Variants in CACNG1 observed in about 807,000 individuals in gnomAD.
The protein encoded by CACNG1 is calcium voltage-gated channel auxiliary subunit gamma 1.
CACNG1 carries 21 observed loss-of-function variants against 22.0 expected under a neutral mutation model. The observed-to-expected ratio is 0.95, with a 90% confidence interval of 0.68 to 1.37. The LOEUF (loss-of-function observed/expected upper bound fraction) is 1.37, where lower values mean the gene tolerates loss of function less well. Among genes scored for constraint, CACNG1 ranks in the 40% most tolerant of loss-of-function variants. The pLI is 0.00. For synonymous variants in CACNG1, 127 were observed against 129.2 expected (o/e 0.98, Z 0.12); for missense variants, 291 against 308.6 (o/e 0.94, Z 0.43).
At position 67,054,540 on chromosome 17, in the gene CACNG1, G is replaced by A. The variant is rs1007927344; in HGVS notation, c.304+470G>A. On this transcript the variant is annotated intron_variant, in intron 2 of 3. Coordinates refer to ENST00000226021, the MANE Select transcript of CACNG1 (RefSeq NM_000727.4). The surrounding 1 kb of genome is among the most constrained non-coding windows in gnomAD (Gnocchi z 4.6). ...AGAGCTCAGACGCACACCCATTGTC[G>A]GGAGTACAGACCCGTGCCTGCCTGC... is the stretch of plus-strand genomic sequence containing the variant. 2.0e-5 allele frequency among the ~76,000 whole-genome samples: 3 copies of A among 152,104 alleles called. No individual in the cohort carries two copies. The highest frequency in any genetic ancestry group is 6.5e-5 in the Admixed American group (1 of 15,270).
chr17:67,055,330 G>A lies in CACNG1; in HGVS notation c.442+90G>A. 7.0e-7 allele frequency: 1 copy of A among 1,437,774 alleles called. No individual in the cohort carries two copies. The allele number at this position is 1,437,774 out of a possible 1,614,324, so 89.1% of individuals were successfully genotyped here. On this transcript the variant is annotated intron_variant, in intron 3 of 3. Transcript: ENST00000226021. This position sits in a 1 kb window ranked among gnomAD's most constrained non-coding sequence, Gnocchi z 4.5. ...CACCCTCATGCCCACCGCGAGATTT[G>A]GGTGAGGGGCATTTCCCAGGCTCCA...
At position 67,056,490 on chromosome 17, in the gene CACNG1, TG is replaced by T; in HGVS notation, c.*224del. The T allele has an allele frequency of 1.7e-6, 1 of 577,578 alleles. No homozygotes were observed. The highest frequency in any genetic ancestry group is 2.1e-5 in the South Asian group (1 of 48,772). 35.8% of individuals were successfully genotyped at this position (577,578 alleles called of 1,614,324 possible). ...ACGTGAGTCCTAACCTGGCCACAGT[TG>T]GGGGAGGCAGAGCCAGCAGGTGGAC... On this transcript the variant is annotated 3_prime_UTR_variant, in exon 4 of 4. Coordinates refer to ENST00000226021, the MANE Select transcript of CACNG1 (RefSeq NM_000727.4). The surrounding 1 kb of genome is among the most constrained non-coding windows in gnomAD (Gnocchi z 4.3).
In CACNG1 at chr17:67,044,839, G is replaced by A. The variant is rs551549167; in HGVS notation, c.179G>A (p.Arg60His). 9.9e-6 allele frequency: 16 copies of A among 1,613,258 alleles called. No homozygotes were observed. Among genetic ancestry groups the A allele is most frequent in the Middle Eastern group, 1.6e-4 (1 of 6,062 alleles). ...HFGLWRICTK[R>H]IPMDDSKTCG... ...GGCCTCTGGCGGATTTGTACCAAGC[G>A]CATCCCCATGGACGACAGCAAGACC... Residue 60 changes from arginine to histidine, a missense_variant, in exon 1 of 4, where the codon CGC becomes CAC. By Grantham distance (29) the Arg-to-His change is conservative (BLOSUM62 0). Coordinates refer to ENST00000226021, the MANE Select transcript of CACNG1 (RefSeq NM_000727.4). This position sits in a 1 kb window ranked among gnomAD's most constrained non-coding sequence, Gnocchi z 6.9.
intron 1 of CACNG1, among the ~76,000 whole-genome samples, chr17:67,045,486 T>C (rs1324950714): frequency 1.3e-5 from 2 of 151,204 alleles, no homozygotes; most frequent in Non-Finnish European, 2.9e-5. Flanking sequence ...AAGCAGGACA[T>C]GGCTGTAGGC....
In CACNG1 at chr17:67,056,544, T is replaced by C. The variant is rs2035763580; in HGVS notation, c.*273T>C. The C allele has an allele frequency of 1.9e-6, 1 of 518,652 alleles. No individual in the cohort carries two copies. The highest frequency in any genetic ancestry group is 2.2e-5 in the South Asian group (1 of 45,896). 32.1% of individuals were successfully genotyped at this position (518,652 alleles called of 1,614,324 possible). On this transcript the variant is annotated 3_prime_UTR_variant, in exon 4 of 4. Transcript: ENST00000226021. This position sits in a 1 kb window ranked among gnomAD's most constrained non-coding sequence, Gnocchi z 4.3. ...GTGTTTGCAGGGGCCCAACTTCCCC[T>C]GGAGCTCAGAGGTGTCCCCACTGTA... is the stretch of plus-strand genomic sequence containing the variant.
rs191385424 is a variant in CACNG1, at chr17:67,053,622, G to A, written c.230-374G>A. Among the ~76,000 whole-genome samples, 34 of 152,306 alleles carry A rather than the reference G, an allele frequency of 2.2e-4. No individual in the cohort carries two copies. The East Asian group carries it at 3.9e-3, about 17-fold the overall frequency. ...AAGTGTCCCCTGGGGGGGCAGAATC[G>A]GCCCCAACAGAGACTGCTGTTTGGT... On this transcript the variant is annotated intron_variant, in intron 1 of 3. Coordinates refer to ENST00000226021, the MANE Select transcript of CACNG1 (RefSeq NM_000727.4).
chr17:67,050,550 A>G (rs2035722405), intron 1 of CACNG1, among the ~76,000 whole-genome samples: 1 of 152,220 alleles, frequency 6.6e-6, no homozygotes, highest in East Asian at 1.9e-4. Flanking sequence ...TCCACAAAGT[A>G]TCTTTGAATA....
In CACNG1 at chr17:67,055,985, G is replaced by C; in HGVS notation, c.443-60G>C. On this transcript the variant is annotated intron_variant, in intron 3 of 3. Coordinates refer to ENST00000226021, the MANE Select transcript of CACNG1 (RefSeq NM_000727.4). The surrounding 1 kb of genome is among the most constrained non-coding windows in gnomAD (Gnocchi z 4.5). The stretch of plus-strand genomic sequence containing the variant: ...CTCCTCCATGCACACAGGCTGGGAT[G>C]GGGCTGGTGGCTACGGCAGACGCCC... 7.2e-7 allele frequency: 1 copy of C among 1,394,898 alleles called. No homozygotes were observed. Among genetic ancestry groups the C allele is most frequent in the Middle Eastern group, 1.8e-4 (1 of 5,570 alleles). The allele number at this position is 1,394,898 out of a possible 1,614,324, so 86.4% of individuals were successfully genotyped here.
rs939477590 is a variant in CACNG1 at position 67,047,827 on chromosome 17, T to C, written c.229+2938T>C. ...AGGAGGCCACATGCATGCACAATGC[T>C]ATATGCATGCTCAGGAAAGACCTGA... On this transcript the variant is annotated intron_variant, in intron 1 of 3. Transcript: ENST00000226021. 2.0e-5 allele frequency among the ~76,000 whole-genome samples: 3 copies of C among 152,192 alleles called. No homozygotes were observed. The East Asian group carries it at 5.8e-4, about 29-fold the overall frequency.
Position 67,051,031 on chromosome 17 carries a change from G to A in CACNG1, c.230-2965G>A, listed in dbSNP as rs1233169786. Among the ~76,000 whole-genome samples, 5 of 152,150 alleles carry A rather than the reference G, an allele frequency of 3.3e-5. No homozygotes were observed. In the East Asian group the frequency reaches 9.6e-4, roughly 29 times the overall value. On this transcript the variant is annotated intron_variant, in intron 1 of 3. Coordinates refer to ENST00000226021, the MANE Select transcript of CACNG1 (RefSeq NM_000727.4). ...CAAAGCTGCAATCCCTGAGCTTTGTGTAAGTGTGATGGAAGCCAGGGCAGC... is the reference window on the plus strand; with the variant it reads ...CAAAGCTGCAATCCCTGAGCTTTGTATAAGTGTGATGGAAGCCAGGGCAGC...
chr17:67,046,978 C>T (rs1384921944), intron 1 of CACNG1, among the ~76,000 whole-genome samples: 1 of 150,948 alleles, frequency 6.6e-6, no homozygotes, highest in African/African-American at 2.4e-5. Flanking sequence ...AGTAATCTTC[C>T]AAAATATGTT....
chr17:67,048,219 C>T (rs1157303145), intron 1 of CACNG1, among the ~76,000 whole-genome samples: 1 of 150,986 alleles, frequency 6.6e-6, no homozygotes, highest in Non-Finnish European at 1.5e-5. Flanking sequence ...CTCCTGTATT[C>T]CCAGCACTTT....
At chr17:67,050,054 G>T (rs573200187) in intron 1 of CACNG1, among the ~76,000 whole-genome samples, 1 of 152,206 alleles carries the variant, frequency 6.6e-6, no homozygotes, top group African/African-American at 2.4e-5. Flanking sequence ...AAATGAACCC[G>T]CAAAGAGGCC....
intron 1 of CACNG1, among the ~76,000 whole-genome samples, chr17:67,048,324 AAC>A (rs1391268920): frequency 0.04 from 1,258 of 31,458 alleles, 12 homozygotes; most frequent in African/African-American, 0.16. Flanking sequence ...AAAAAAAAAA[AAC>A]AAAAAAAAAA....
rs201674207 is a variant in CACNG1, at chr17:67,044,894, C to A, written c.229+5C>A. 5,644 of 1,606,014 alleles carry A rather than the reference C, an allele frequency of 3.5e-3. 13 individuals are homozygous for A. Among genetic ancestry groups the A allele is most frequent in the Non-Finnish European group, 4.4e-3 (5,145 of 1,174,902 alleles). ...GGCCCATCACCCTGCCCGGGGGTAA[C>A]GTACCCACCCTCCGTCCCGATCCCC... On this transcript the variant is annotated splice_donor_5th_base_variant and intron_variant, in intron 1 of 3. Transcript: ENST00000226021. This position sits in a 1 kb window ranked among gnomAD's most constrained non-coding sequence, Gnocchi z 6.9.
At chr17:67,048,802 G>C (rs961124159) in intron 1 of CACNG1, among the ~76,000 whole-genome samples, 2 of 152,136 alleles carry the variant, frequency 1.3e-5, no homozygotes, top group Non-Finnish European at 2.9e-5. Context: ...CACTAGAGGG[G>C]CTCAATGGCA....
At chr17:67,047,910 G>A (rs915060155) in intron 1 of CACNG1, among the ~76,000 whole-genome samples, 4 of 152,136 alleles carry the variant, frequency 2.6e-5, no homozygotes, top group Non-Finnish European at 4.4e-5. Flanking sequence ...GGAAGTGAAG[G>A]CTAAGGCAGA....
intron 1 of CACNG1, among the ~76,000 whole-genome samples, chr17:67,052,857 C>T (rs938602925): frequency 1.3e-5 from 2 of 151,980 alleles, no homozygotes; most frequent in Admixed American, 1.3e-4. Flanking sequence ...TCACTGCAAC[C>T]TCTGCCTCCT....
intron 1 of CACNG1, among the ~76,000 whole-genome samples, chr17:67,049,325 C>G (rs988222179): frequency 5.3e-5 from 8 of 152,138 alleles, no homozygotes; most frequent in Non-Finnish European, 8.8e-5. Context: ...TTATCATCAT[C>G]CCAATCTTAC....
Sources: gnomAD v4.1 joint callset for allele counts (sites outside exome capture counted in the v4.1 genomes callset) on GRCh38, gnomAD v4.1.1 for gene constraint, Gnocchi (gnomAD v3.1) non-coding constraint, MANE v1.5 for transcripts, NCBI Gene and HGNC (gene_info 2026-07-23, HGNC 2026-07-21) for gene names.